Variants in JADE1 observed in about 807,000 individuals in gnomAD.
JADE1 encodes the protein jade family PHD finger 1.
JADE1 carries 14 observed loss-of-function variants against 81.8 expected under a neutral mutation model. That is an observed-to-expected ratio of 0.17 (90% CI 0.11 to 0.27). The LOEUF (loss-of-function observed/expected upper bound fraction) is 0.27. Among genes scored for constraint, JADE1 ranks in the 10% least tolerant of loss-of-function variants. The pLI, the probability that JADE1 is intolerant of heterozygous loss-of-function variation, is 1.00. For missense variants in JADE1, 690 were observed against 1,047.9 expected, an observed-to-expected ratio of 0.66 and a Z score of 4.71; for synonymous variants, 353 against 391.9, an observed-to-expected ratio of 0.90 and a Z score of 1.17.
rs1732290824 is a variant in JADE1, at chr4:128,872,815, A to G, written c.*553A>G. The G allele has an allele frequency of 6.9e-6, 3 of 431,796 alleles. No individual in the cohort carries two copies. The highest frequency in any genetic ancestry group is 4.9e-5 in the South Asian group (3 of 61,390). The allele number at this position is 431,796 out of a possible 1,614,324, so 26.7% of individuals were successfully genotyped here. A position where few individuals can be genotyped will look rare whatever the true frequency, so the allele number is the denominator to read the frequency against. On this transcript the variant is annotated 3_prime_UTR_variant, in exon 11 of 11. Coordinates refer to ENST00000226319, the MANE Select transcript of JADE1 (RefSeq NM_199320.4). The stretch of plus-strand genomic sequence containing the variant: ...AGTAACACTAAGAAATTTATGTGTA[A>G]ATATAGCAGTCAGGGAAGAGAATTT...
intron 8 of JADE1, among the ~76,000 whole-genome samples, chr4:128,859,104 T>C (rs191261143): frequency 6.6e-6 from 1 of 151,572 alleles, no homozygotes. Context: ...CTGGCCCGAG[T>C]TGGATTGGGG....
Sources: gnomAD v4.1 joint callset for allele counts (sites outside exome capture counted in the v4.1 genomes callset) on GRCh38, gnomAD v4.1.1 for gene constraint, MANE v1.5 for transcripts, NCBI Gene and HGNC (gene_info 2026-07-23, HGNC 2026-07-21) for gene names.